C13orf46: variants seen among roughly 807,000 people sequenced by gnomAD.
C13orf46 encodes uncharacterized protein C13orf46.
rs1040566488 is a variant in C13orf46 at position 113,968,188 on chromosome 13, G to A, written c.456+279C>T. Among the ~76,000 whole-genome samples, 1,027 of 152,290 alleles carry A rather than the reference G, an allele frequency of 6.7e-3. 11 individuals carry two copies. Among genetic ancestry groups the A allele is most frequent in the African/African-American group, 0.023 (963 of 41,560 alleles). On this transcript the variant is annotated intron_variant, in intron 4 of 6. Transcript: ENST00000636427. ...GGGCTCTGGGTGTTTTCTGGGCCAA[G>A]GTCAAGCTGAGGGCACCTCCTCTCA...
the C13orf46 span, among the ~76,000 whole-genome samples, chr13:113,943,136 C>T: frequency 6.6e-6 from 1 of 152,202 alleles, no homozygotes; most frequent in Non-Finnish European, 1.5e-5. Context: ...GCGTTGGCTC[C>T]TGTCAACAAA....
chr13:113,927,795 G>A, the C13orf46 span: 2 of 394,424 alleles, frequency 5.1e-6, no homozygotes, highest in African/African-American at 4.1e-5. Flanking sequence ...ATTTTTCATA[G>A]CCAGGGTCGC....
At chr13:113,937,797 C>T in the C13orf46 span, among the ~76,000 whole-genome samples, 1 of 152,124 alleles carries the variant, frequency 6.6e-6, no homozygotes, top group East Asian at 1.9e-4. Flanking sequence ...TTCTGATTAG[C>T]CTTTTACGGA....
At chr13:113,938,854 ACTCTCAATCC>A in the C13orf46 span, among the ~76,000 whole-genome samples, 1 of 150,948 alleles carries the variant, frequency 6.6e-6, no homozygotes, top group African/African-American at 2.4e-5. Context: ...GCCTTCACTC[ACTCTCAATCC>A]CTATGGAAAA....
the C13orf46 span, among the ~76,000 whole-genome samples, chr13:113,939,961 G>T: frequency 1.3e-5 from 2 of 152,224 alleles, no homozygotes; most frequent in Non-Finnish European, 2.9e-5. Flanking sequence ...CCTCATCTGA[G>T]CCAGAGCCTC....
the C13orf46 span, among the ~76,000 whole-genome samples, chr13:113,931,594 C>T: frequency 6.6e-6 from 1 of 152,186 alleles, no homozygotes; most frequent in Non-Finnish European, 1.5e-5. Flanking sequence ...TCGCAAGCAG[C>T]ATGGGGGTTC....
At chr13:113,946,141 G>A in the C13orf46 span, among the ~76,000 whole-genome samples, 5 of 152,226 alleles carry the variant, frequency 3.3e-5, no homozygotes, top group Admixed American at 6.5e-5. Flanking sequence ...AGTGCAGAAC[G>A]GGTTTGGATT....
chr13:113,969,290 C>A (rs942502056), intron 2 of C13orf46, among the ~76,000 whole-genome samples: 5 of 152,252 alleles, frequency 3.3e-5, no homozygotes, highest in Admixed American at 2.0e-4. Flanking sequence ...TCTGCAATGG[C>A]GTTGACTTGG....
chr13:113,930,343 G>GAGGAGCACCGAGGCGGGGGCGC, the C13orf46 span, among the ~76,000 whole-genome samples: 18 of 151,666 alleles, frequency 1.2e-4, no homozygotes, highest in African/African-American at 2.9e-4. Context: ...GGTGGGAGTG[G>GAGGAGCACCGAGGCGGGGGCGC]AGGAGCACCG....
the C13orf46 span, among the ~76,000 whole-genome samples, chr13:113,936,121 C>T: frequency 7.2e-4 from 109 of 152,254 alleles, no homozygotes; most frequent in African/African-American, 2.5e-3. Flanking sequence ...AATGAAGAGC[C>T]GGAGAAACTC....
chr13:113,933,637 C>T, the C13orf46 span, among the ~76,000 whole-genome samples: 1 of 152,114 alleles, frequency 6.6e-6, no homozygotes, highest in Non-Finnish European at 1.5e-5. Flanking sequence ...TTTATTTAGG[C>T]CTTTTTTCAT....
intron 6 of C13orf46, among the ~76,000 whole-genome samples, chr13:113,957,393 C>CT (rs2052546160): frequency 8.6e-6 from 1 of 116,634 alleles, no homozygotes; most frequent in Non-Finnish European, 1.8e-5. Context: ...GGGTCTCCCC[C>CT]GCACTCTGCC....
chr13:113,962,831 T>C (rs1451743562), intron 6 of C13orf46, among the ~76,000 whole-genome samples: 9 of 152,094 alleles, frequency 5.9e-5, no homozygotes, highest in South Asian at 2.1e-4. Flanking sequence ...ATGAGAAAAA[T>C]AGAGCTGTAC....
the C13orf46 span, among the ~76,000 whole-genome samples, chr13:113,929,853 A>G: frequency 4.6e-5 from 7 of 152,180 alleles, no homozygotes; most frequent in East Asian, 1.9e-4. Flanking sequence ...GCGCCCTCCA[A>G]TGGAAAAGCT....
intron 6 of C13orf46, among the ~76,000 whole-genome samples, chr13:113,964,515 G>A (rs1156417402): frequency 2.6e-5 from 4 of 152,150 alleles, no homozygotes; most frequent in African/African-American, 9.7e-5. Context: ...GTGTATGCAC[G>A]GCTTCCCACT....
intron 4 of C13orf46, among the ~76,000 whole-genome samples, chr13:113,967,966 G>A (rs1370612799): frequency 6.6e-6 from 1 of 152,228 alleles, no homozygotes; most frequent in Non-Finnish European, 1.5e-5. Context: ...AACTCCAAGG[G>A]CAGTGTCTGG....
chr13:113,972,820 C>CTG (rs974426350), intron 1 of C13orf46, among the ~76,000 whole-genome samples: 12 of 152,208 alleles, frequency 7.9e-5, no homozygotes, highest in Non-Finnish European at 1.6e-4. Flanking sequence ...ATGATCCTCC[C>CTG]TTCAGGCATC....
At chr13:113,951,152 A>T (rs2052487245), downstream of C13orf46, among the ~76,000 whole-genome samples, 1 of 152,120 alleles carries the variant, frequency 6.6e-6, no homozygotes, top group South Asian at 2.1e-4. Context: ...ATCATAAGGG[A>T]CGTAGTGACA....
chr13:113,953,969 T>C lies in C13orf46; in HGVS notation c.*2804A>G, dbSNP rs964624413. Reference sequence around the variant, plus strand: ...GCCGATGGGCACTTATCTTCTGTGGTGTCTTTCAGTCAAGGGTGGGTGCTG... The same window carrying C: ...GCCGATGGGCACTTATCTTCTGTGGCGTCTTTCAGTCAAGGGTGGGTGCTG... On this transcript the variant is annotated 3_prime_UTR_variant, in exon 7 of 7. Coordinates refer to ENST00000636427, the MANE Select transcript of C13orf46 (RefSeq NM_001365455.2). 28 of 152,550 alleles carry C rather than the reference T, an allele frequency of 1.8e-4. No individual in the cohort carries two copies. Among genetic ancestry groups the C allele is most frequent in the African/African-American group, 6.7e-4 (28 of 41,600 alleles). 9.4% of individuals were successfully genotyped at this position (152,550 alleles called of 1,614,324 possible). A position where few individuals can be genotyped will look rare whatever the true frequency, so the allele number is the denominator to read the frequency against.
Sources: allele counts gnomAD v4.1 joint callset (sites outside exome capture counted in the v4.1 genomes callset), GRCh38; gene constraint gnomAD v4.1.1; transcripts MANE v1.5; gene names NCBI Gene and HGNC (gene_info 2026-07-23, HGNC 2026-07-21).